The following MROH1 variants were observed in gnomAD, a reference collection of about 807,000 sequenced individuals.
MROH1 encodes the protein maestro heat like repeat family member 1.
MROH1 carries 117 observed loss-of-function variants against 116.5 expected under a neutral mutation model. That is an observed-to-expected ratio of 1.00 (90% confidence interval 0.86 to 1.17). The LOEUF is 1.17. Ranked by LOEUF, MROH1 falls within the 50% of genes most tolerant of loss-of-function variation. MROH1 has a pLI of 0.00. For missense variants in MROH1, 1,873 were observed against 1,338.5 expected (o/e 1.40, Z -6.23); for synonymous variants, 921 against 583.9 (o/e 1.58, Z -8.32).
At position 144,238,864 on chromosome 8, in the gene MROH1, G is replaced by A; in HGVS notation, c.1446+1G>A. 2.6e-6 allele frequency: 2 copies of A among 773,078 alleles called. No individual in the cohort carries two copies. The highest frequency in any genetic ancestry group is 2.4e-6 in the Non-Finnish European group (1 of 417,932). The allele number at this position is 773,078 out of a possible 1,614,324, so 47.9% of individuals were successfully genotyped here. ...CACCACCGTGGACAGGATGAGTCAC[G>A]TGAGTGCACGGCACCCGTCCCTGCC... On this transcript the variant is annotated splice_donor_variant, in intron 15 of 43. Coordinates refer to ENST00000326134, the MANE Select transcript of MROH1 (RefSeq NM_032450.3). LOFTEE classifies it high-confidence loss of function.
At chr8:144,185,082 G>C (rs1220721397) in intron 7 of MROH1, among the ~76,000 whole-genome samples, 1 of 152,230 alleles carries the variant, frequency 6.6e-6, no homozygotes, top group Non-Finnish European at 1.5e-5. Flanking sequence ...CTGTCGGGGA[G>C]GGAAGTGTCT....
chr8:144,215,872 C>CAA (rs35093804), intron 12 of MROH1, among the ~76,000 whole-genome samples: 178 of 124,964 alleles, frequency 1.4e-3, no homozygotes, highest in Admixed American at 3.4e-3. Flanking sequence ...GACTCTGTCG[C>CAA]AAAAAAAAAA....
intron 12 of MROH1, among the ~76,000 whole-genome samples, chr8:144,219,774 C>G (rs975297437): frequency 6.6e-6 from 1 of 152,176 alleles, no homozygotes; most frequent in Non-Finnish European, 1.5e-5. Context: ...CAGCTGGCCT[C>G]GAAACCGACA....
At chr8:144,223,671 T>A (rs1287702882) in intron 14 of MROH1, among the ~76,000 whole-genome samples, 1 of 152,212 alleles carries the variant, frequency 6.6e-6, no homozygotes, top group Non-Finnish European at 1.5e-5. Context: ...AATGCCAATT[T>A]CTTGAAGGAG....
rs969564584 is a variant in MROH1, at chr8:144,261,686, C to T, written c.4872C>T (p.Pro1624=). ...AGATCCTGCTGAAGGACCCGGCCCC[C>T]GAGGTGCGGACGAGGGCTGCTGAGG... ...ALQILLKDPA[P]EVRTRAAEAL... Residue 1624 remains proline, a synonymous_variant, in exon 44 of 44, where the codon CCC becomes CCT. Transcript: ENST00000326134. 1.6e-5 allele frequency: 12 copies of T among 728,246 alleles called. No homozygotes were observed. The highest frequency in any genetic ancestry group is 1.0e-4 in the East Asian group (4 of 38,396). The allele number at this position is 728,246 out of a possible 1,614,324, so 45.1% of individuals were successfully genotyped here.
chr8:144,261,440 T>A, intron 43 of MROH1, 91 bp downstream of exon 43: 1 of 699,786 alleles, frequency 1.4e-6, no homozygotes, highest in Non-Finnish European at 2.6e-6. Context: ...ATTTCAGGAC[T>A]TTTTCCCTGT....
At position 144,259,966 on chromosome 8, in the gene MROH1, G is replaced by T. The variant is rs1398666806; in HGVS notation, c.4100G>T (p.Ser1367Ile). 4.0e-6 allele frequency: 3 copies of T among 741,780 alleles called. No homozygotes were observed. The highest frequency in any genetic ancestry group is 2.6e-5 in the East Asian group (1 of 38,984). The allele number at this position is 741,780 out of a possible 1,614,324, so 45.9% of individuals were successfully genotyped here. A position where few individuals can be genotyped will look rare whatever the true frequency, so the allele number is the denominator to read the frequency against. The change falls in exon 38 of 44, where the codon AGC becomes ATC. Residue 1367 changes from serine (S) to isoleucine (I), a missense_variant. Coordinates refer to ENST00000326134, the MANE Select transcript of MROH1 (RefSeq NM_032450.3). ...DLMLLDSLLESLAARQKDTCA... is the reference protein window; with the variant it reads ...DLMLLDSLLEILAARQKDTCA... ...ATGCTCTTGGACTCGCTGCTGGAGA[G>T]CCTGGCGGCTCGCCAGAAGGACACA...
intron 35 of MROH1, among the ~76,000 whole-genome samples, chr8:144,256,060 G>A (rs1363840052): frequency 1.3e-5 from 2 of 152,162 alleles, no homozygotes; most frequent in Non-Finnish European, 2.9e-5. Context: ...TATAGGCTGG[G>A]GTCAACCATG....
At position 144,173,098 on chromosome 8, in the gene MROH1, CTTTTTTT is replaced by C. The variant is rs57999074; in HGVS notation, c.168+4672_168+4678del. Among the ~76,000 whole-genome samples, 797 of 130,340 alleles carry C rather than the reference CTTTTTTT, an allele frequency of 6.1e-3. 6 individuals carry two copies. Among genetic ancestry groups the C allele is most frequent in the African/African-American group, 0.021 (737 of 34,760 alleles). The allele number at this position is 130,340 out of a possible 152,430, so 85.5% of individuals were successfully genotyped here. ...AGGCAGGGCTGTGAAAGTTATGGTA[CTTTTTTT>C]TTTTTTTTTTTTTCCTGAGGCAGAG... On this transcript the variant is annotated intron_variant, in intron 4 of 43. Coordinates refer to ENST00000326134, the MANE Select transcript of MROH1 (RefSeq NM_032450.3).
chr8:144,250,518 G>A (rs1842677436), intron 33 of MROH1, 152 bp downstream of exon 33: 1 of 693,934 alleles, frequency 1.4e-6, no homozygotes, highest in African/African-American at 1.8e-5. Context: ...GTGACATGGA[G>A]CCAGGCCCCA....
At chr8:144,250,114 T>C (rs1842609396) in intron 32 of MROH1, 98 bp from the exon 33 acceptor site, 2 of 702,036 alleles carry the variant, frequency 2.8e-6, no homozygotes, top group Non-Finnish European at 5.2e-6. Context: ...CTGCATCTCA[T>C]GGGGCTCCCT....
At position 144,223,129 on chromosome 8, in the gene MROH1, G is replaced by A. The variant is rs762262351; in HGVS notation, c.1237G>A (p.Val413Met). 18 of 1,613,164 alleles carry A rather than the reference G, an allele frequency of 1.1e-5. No homozygotes were observed. In the South Asian group the frequency reaches 1.4e-4, roughly 13 times the overall value. The stretch of plus-strand genomic sequence containing the variant: ...GCAGGTGAAGCGGGCAGTGGTGCAG[G>A]TGATTAGCGCCATGGCCCACCACGG... ...NSKVKRAVVQ[V>M]ISAMAHHGYL... Residue 413 changes from valine to methionine, a missense_variant, in exon 14 of 44, where the codon GTG becomes ATG. Physicochemically the swap from Val to Met is conservative, Grantham distance 21 (BLOSUM62 1). Transcript: ENST00000326134.
chr8:144,223,846 A>C (rs954928461), intron 14 of MROH1, among the ~76,000 whole-genome samples: 1 of 152,218 alleles, frequency 6.6e-6, no homozygotes, highest in African/African-American at 2.4e-5. Context: ...AGGCCAGCTC[A>C]GAACAGACAC....
At chr8:144,230,961 C>T (rs536783478) in intron 14 of MROH1, among the ~76,000 whole-genome samples, 6 of 141,670 alleles carry the variant, frequency 4.2e-5, no homozygotes, top group South Asian at 4.8e-4. Flanking sequence ...TGCGGCCTTC[C>T]GCAGTGTTTG....
intron 19 of MROH1, 142 bp from the exon 20 acceptor site, chr8:144,240,428 A>C (rs991815116): frequency 3.0e-4 from 205 of 687,884 alleles, no homozygotes; most frequent in Non-Finnish European, 5.3e-4. Context: ...CTGTCCCCTG[A>C]GGGTTGGCTC....
At position 144,259,986 on chromosome 8, in the gene MROH1, G is replaced by A. The variant is rs1215527806; in HGVS notation, c.4120G>A (p.Asp1374Asn). The A allele has an allele frequency of 2.7e-6, 2 of 738,502 alleles. No homozygotes were observed. Among genetic ancestry groups the A allele is most frequent in the Non-Finnish European group, 5.0e-6 (2 of 399,442 alleles). The allele number at this position is 738,502 out of a possible 1,614,324, so 45.7% of individuals were successfully genotyped here. The change falls in exon 38 of 44, where the codon GAC becomes AAC. Residue 1374 changes from aspartate to asparagine, a missense_variant. By Grantham distance (23) the Asp-to-Asn change is conservative. Transcript: ENST00000326134. ...GGAGAGCCTGGCGGCTCGCCAGAAGGACACATGCGCCAGCGTGCGGAGGCT... is the reference window on the plus strand; with the variant it reads ...GGAGAGCCTGGCGGCTCGCCAGAAGAACACATGCGCCAGCGTGCGGAGGCT... ...LLESLAARQK[D>N]TCASVRRLVL...
intron 12 of MROH1, chr8:144,213,357 G>A (rs1271847843): frequency 2.5e-6 from 1 of 402,482 alleles, no homozygotes; most frequent in Non-Finnish European, 4.4e-6. Flanking sequence ...TGGTTTTGCT[G>A]GTTACAGGAT....
intron 35 of MROH1, among the ~76,000 whole-genome samples, chr8:144,258,171 C>T (rs1423934204): frequency 6.6e-5 from 10 of 152,218 alleles, no homozygotes; most frequent in African/African-American, 2.4e-4. Context: ...GACCAGAGGG[C>T]AAGGTGCTTG....
Position 144,168,318 on chromosome 8 carries a change from G to T in MROH1, c.46G>T (p.Ala16Ser), listed in dbSNP as rs79493663. The change falls in exon 4 of 44, where the codon GCC (alanine) becomes TCC (serine). Residue 16 changes from alanine to serine, a missense_variant. Physicochemically the swap from Ala to Ser is moderately conservative, Grantham distance 99 (BLOSUM62 1). Coordinates refer to ENST00000326134, the MANE Select transcript of MROH1 (RefSeq NM_032450.3). ...AGAGCTGGCCTCCACCCTGCTGGAC[G>T]CCATCACCGATAAGGACCCCCTGGT... ...MKKLASTLLD[A>S]ITDKDPLVQE... 6.2e-7 allele frequency: 1 copy of T among 1,607,276 alleles called. No homozygotes were observed. The highest frequency in any genetic ancestry group is 8.5e-7 in the Non-Finnish European group (1 of 1,178,972).
Sources: allele counts gnomAD v4.1 joint callset (sites outside exome capture counted in the v4.1 genomes callset), GRCh38; gene constraint gnomAD v4.1.1; transcripts MANE v1.5; gene names NCBI Gene and HGNC (gene_info 2026-07-23, HGNC 2026-07-21).